The following SLIT3 variants were observed in gnomAD, a reference collection of about 807,000 sequenced individuals.
The protein encoded by SLIT3 is slit homolog 3 protein.
In SLIT3, 68 loss-of-function variants were observed where a neutral mutation model predicts 184.0. That is an observed-to-expected ratio of 0.37 (90% confidence interval 0.30 to 0.45). SLIT3 has a LOEUF of 0.45. Ranked by LOEUF, SLIT3 falls within the 20% of genes least tolerant of loss-of-function variation. SLIT3 has a pLI of 1.00. For synonymous variants in SLIT3, 831 were observed against 828.6 expected, an observed-to-expected ratio of 1.00 and a Z score of -0.05; for missense variants, 1,707 against 2,026.0, an observed-to-expected ratio of 0.84 and a Z score of 3.02.
chr5:168,824,406 G>A (rs1757635279), intron 6 of SLIT3, among the ~76,000 whole-genome samples: 1 of 152,210 alleles, frequency 6.6e-6, no homozygotes, highest in Non-Finnish European at 1.5e-5. Context: ...GAACCAGACT[G>A]AAATGAGGCT....
chr5:169,079,488 G>A (rs1561648895), intron 4 of SLIT3, among the ~76,000 whole-genome samples: 2 of 124,944 alleles, frequency 1.6e-5, no homozygotes. Flanking sequence ...GGTGGGGGAG[G>A]AGGGGGGGAG....
chr5:168,897,646 G>GCGCGCGCGCACACACACACACACA, intron 4 of SLIT3, among the ~76,000 whole-genome samples: 3 of 105,448 alleles, frequency 2.8e-5, no homozygotes, highest in African/African-American at 1.3e-4. Context: ...ACAGGTGCAC[G>GCGCGCGCGCACACACACACACACA]TACACACACA....
chr5:168,820,517 G>A (rs1475704977), intron 7 of SLIT3, among the ~76,000 whole-genome samples: 1 of 152,180 alleles, frequency 6.6e-6, no homozygotes, highest in African/African-American at 2.4e-5. Context: ...GGCCTGGCAC[G>A]CAGCAAACCA....
intron 9 of SLIT3, among the ~76,000 whole-genome samples, chr5:168,796,734 G>T (rs771395414): frequency 2.0e-5 from 3 of 152,158 alleles, no homozygotes; most frequent in African/African-American, 7.2e-5. Context: ...GGAGACAGTC[G>T]TATTAATTTG....
chr5:168,904,682 A>T (rs10055622), intron 4 of SLIT3, among the ~76,000 whole-genome samples: 6,477 of 152,174 alleles, frequency 0.043, 482 homozygotes, highest in African/African-American at 0.15. Context: ...TGCTATGGAG[A>T]TCATACATTT....
intron 4 of SLIT3, among the ~76,000 whole-genome samples, chr5:169,061,898 A>G (rs1469505194): frequency 1.3e-5 from 2 of 152,192 alleles, no homozygotes; most frequent in Non-Finnish European, 2.9e-5. Flanking sequence ...GGGGCCAGAA[A>G]GGGAACCAGA....
intron 4 of SLIT3, among the ~76,000 whole-genome samples, chr5:169,169,999 C>T (rs907246350): frequency 1.3e-5 from 2 of 152,182 alleles, no homozygotes; most frequent in Non-Finnish European, 2.9e-5. Context: ...CCCTTCCTCG[C>T]AGAGGGAATA....
At chr5:169,183,590 G>T (rs1010668111) in intron 4 of SLIT3, among the ~76,000 whole-genome samples, 1 of 152,140 alleles carries the variant, frequency 6.6e-6, no homozygotes, top group Non-Finnish European at 1.5e-5. Flanking sequence ...ATGACTCTAG[G>T]ATGACACAAA....
intron 4 of SLIT3, among the ~76,000 whole-genome samples, chr5:169,147,453 G>T (rs1761963804): frequency 6.6e-6 from 1 of 152,026 alleles, no homozygotes; most frequent in Non-Finnish European, 1.5e-5. Context: ...TACAGACAGG[G>T]TTTGATCGTG....
At chr5:168,776,696 T>C (rs573972459) in intron 12 of SLIT3, among the ~76,000 whole-genome samples, 6 of 152,290 alleles carry the variant, frequency 3.9e-5, no homozygotes, top group Middle Eastern at 3.4e-3. Flanking sequence ...GTGTATTAAA[T>C]TTTAGTCAGT....
In SLIT3 at chr5:169,300,566, G is replaced by A. The variant is rs953994144; in HGVS notation, c.144C>T (p.His48=). ...CTCSAASVDC[H]GLGLRAVPRG... is the part of the protein sequence containing the mutation. ...GAGGAACCGCGCGGAGGCCCAGCCC[G>A]TGGCAGTCCACGCTGGCAGCGGAGC... Residue 48 remains histidine, a synonymous_variant, in exon 1 of 36, where the codon CAC becomes CAT. Transcript: ENST00000519560. The surrounding 1 kb of genome is among the most constrained non-coding windows in gnomAD (Gnocchi z 4.1). 6 of 1,511,018 alleles carry A rather than the reference G, an allele frequency of 4.0e-6. No individual in the cohort carries two copies. The Admixed American group carries it at 8.3e-5, about 21-fold the overall frequency. The allele number at this position is 1,511,018 out of a possible 1,614,324, so 93.6% of individuals were successfully genotyped here.
At chr5:168,974,462 G>C (rs1450632764) in intron 4 of SLIT3, among the ~76,000 whole-genome samples, 1 of 152,214 alleles carries the variant, frequency 6.6e-6, no homozygotes, top group African/African-American at 2.4e-5. Flanking sequence ...GAAGAGACCA[G>C]TTTCTAGAGA....
chr5:168,957,335 C>T (rs1245379206), intron 4 of SLIT3, among the ~76,000 whole-genome samples: 1 of 152,056 alleles, frequency 6.6e-6, no homozygotes, highest in African/African-American at 2.4e-5. Flanking sequence ...AAAGTGCTGG[C>T]ATTACAGGCA....
chr5:169,240,255 A>C (rs1270286001), intron 3 of SLIT3, among the ~76,000 whole-genome samples: 1 of 151,956 alleles, frequency 6.6e-6, no homozygotes. Context: ...CAGTTACATC[A>C]GGTTTACAAA....
At chr5:168,810,190 A>G (rs1441378116) in intron 8 of SLIT3, among the ~76,000 whole-genome samples, 1 of 152,188 alleles carries the variant, frequency 6.6e-6, no homozygotes, top group Non-Finnish European at 1.5e-5. Flanking sequence ...AAATTATATG[A>G]CTGTAAGTTG....
Position 168,698,493 on chromosome 5 carries a change from G to C in SLIT3, c.2943-2062C>G, listed in dbSNP as rs557943426. On this transcript the variant is annotated intron_variant, in intron 27 of 35. Coordinates refer to ENST00000519560, the MANE Select transcript of SLIT3 (RefSeq NM_003062.4). ...GATTGCCAGGAACACCAGAAGCCAG[G>C]GAGGGACAAGCAAGGACCCTCCCCT... is the stretch of plus-strand genomic sequence containing the variant. 3.9e-5 allele frequency among the ~76,000 whole-genome samples: 6 copies of C among 152,242 alleles called. No individual in the cohort carries two copies. In the East Asian group the frequency reaches 1.2e-3, roughly 29 times the overall value.
chr5:169,167,133 G>A (rs1046795612), intron 4 of SLIT3, among the ~76,000 whole-genome samples: 1 of 151,952 alleles, frequency 6.6e-6, no homozygotes, highest in African/African-American at 2.4e-5. Flanking sequence ...TTGTGCCACT[G>A]CACTCCAGCC....
At chr5:169,027,771 T>A (rs956236727) in intron 4 of SLIT3, among the ~76,000 whole-genome samples, 3 of 152,162 alleles carry the variant, frequency 2.0e-5, no homozygotes, top group Admixed American at 6.5e-5. Flanking sequence ...GACCTTTCAA[T>A]AGAGCCAGAC....
At chr5:169,129,829 T>G (rs1232920395) in intron 4 of SLIT3, among the ~76,000 whole-genome samples, 2 of 127,124 alleles carry the variant, frequency 1.6e-5, no homozygotes, top group African/African-American at 3.6e-5. Flanking sequence ...TGGTTTTTTT[T>G]GTTTGTTTGT....
Sources: gnomAD v4.1 joint callset for allele counts (sites outside exome capture counted in the v4.1 genomes callset) on GRCh38, gnomAD v4.1.1 for gene constraint, Gnocchi (gnomAD v3.1) non-coding constraint, MANE v1.5 for transcripts, NCBI Gene and HGNC (gene_info 2026-07-23, HGNC 2026-07-21) for gene names.